MTAP: variants seen among roughly 807,000 people sequenced by gnomAD.
The protein encoded by MTAP is methylthioadenosine phosphorylase, also known as S-methyl-5'-thioadenosine phosphorylase.
Under a neutral mutation model 33.6 loss-of-function variants are expected in MTAP, and 33 were observed. That is an observed-to-expected ratio of 0.98 (90% CI 0.74 to 1.31). The LOEUF is 1.31. Ranked by LOEUF, MTAP falls within the 40% of genes most tolerant of loss-of-function variation. The pLI, the probability that MTAP is intolerant of heterozygous loss-of-function variation, is 0.00. For missense variants in MTAP, 367 were observed against 360.0 expected (o/e 1.02, Z -0.16); for synonymous variants, 148 against 125.7 (o/e 1.18, Z -1.19).
At chr9:21,885,782 G>A (rs994745909) in intron 1 of MTAP, among the ~76,000 whole-genome samples, 2 of 24,740 alleles carry the variant, frequency 8.1e-5, no homozygotes, top group East Asian at 1.7e-3. Flanking sequence ...ATTACATGGT[G>A]TGTGTGTGTG....
intron 1 of MTAP, among the ~76,000 whole-genome samples, chr9:21,905,666 G>A (rs530734296): frequency 6.6e-6 from 1 of 152,186 alleles, no homozygotes; most frequent in South Asian, 2.1e-4. Flanking sequence ...AAAACAAGAG[G>A]GAACTGAAAA....
intron 1 of MTAP, among the ~76,000 whole-genome samples, chr9:21,804,695 T>C (rs1362104795): frequency 1.3e-5 from 2 of 148,238 alleles, no homozygotes; most frequent in Admixed American, 1.3e-4. Flanking sequence ...AAAAACCACA[T>C]CCTATTCCCA....
intron 1 of MTAP, among the ~76,000 whole-genome samples, chr9:21,890,704 T>C (rs1401920826): frequency 6.6e-6 from 1 of 152,200 alleles, no homozygotes; most frequent in Non-Finnish European, 1.5e-5. Flanking sequence ...TAAATCCTTC[T>C]TCTGTGATCT....
At chr9:21,886,921 G>A (rs1225483778) in intron 1 of MTAP, among the ~76,000 whole-genome samples, 1 of 152,074 alleles carries the variant, frequency 6.6e-6, no homozygotes, top group Non-Finnish European at 1.5e-5. Context: ...GGCTATGTGG[G>A]CTATTTCATA....
At chr9:21,814,964 G>C (rs1824440578) in intron 1 of MTAP, among the ~76,000 whole-genome samples, 2 of 152,204 alleles carry the variant, frequency 1.3e-5, no homozygotes, top group Non-Finnish European at 2.9e-5. Context: ...ATAGAACAGT[G>C]AGGAGAAATC....
At chr9:21,928,741 ATC>A (rs1818907901) in intron 1 of MTAP, among the ~76,000 whole-genome samples, 1 of 151,990 alleles carries the variant, frequency 6.6e-6, no homozygotes, top group Non-Finnish European at 1.5e-5. Flanking sequence ...ATCCTCAATA[ATC>A]TCTGTCAGGA....
rs149631009 is a variant in MTAP, at chr9:21,826,609, T to TTTATTATTA, written c.347+8440_347+8448dup. Among the ~76,000 whole-genome samples the TTTATTATTA allele has an allele frequency of 7.1e-3, 1,003 of 140,872 alleles. 7 individuals are homozygous for TTTATTATTA. Among genetic ancestry groups the TTTATTATTA allele is most frequent in the East Asian group, 0.015 (73 of 4,738 alleles). The allele number at this position is 140,872 out of a possible 152,430, so 92.4% of individuals were successfully genotyped here. A position where few individuals can be genotyped will look rare whatever the true frequency, so the allele number is the denominator to read the frequency against. On this transcript the variant is annotated intron_variant, in intron 4 of 7. Coordinates refer to ENST00000644715, the MANE Select transcript of MTAP (RefSeq NM_002451.4). ...AGGTGCCAGAGGTGCTGGGGTTTTG[T>TTTATTATTA]TTATTATTATTATTATTATTATTAT...
chr9:21,901,587 CAAAG>C (rs1184178716), intron 1 of MTAP, among the ~76,000 whole-genome samples: 2 of 152,008 alleles, frequency 1.3e-5, no homozygotes, highest in African/African-American at 4.8e-5. Flanking sequence ...TATTAGGAAT[CAAAG>C]AAAGGGAATA....
At chr9:21,824,075 G>A (rs907237096) in intron 4 of MTAP, among the ~76,000 whole-genome samples, 22 of 152,298 alleles carry the variant, frequency 1.4e-4, no homozygotes, top group African/African-American at 5.3e-4. Context: ...GCTCAGAGAA[G>A]TTTGATTGTC....
At chr9:21,849,765 A>G (rs1255673234) in intron 5 of MTAP, among the ~76,000 whole-genome samples, 2 of 152,218 alleles carry the variant, frequency 1.3e-5, no homozygotes, top group African/African-American at 4.8e-5. Context: ...CAGAAGACAG[A>G]TGGGTCTTGG....
intron 1 of MTAP, among the ~76,000 whole-genome samples, chr9:21,877,029 T>G (rs1826021257): frequency 6.6e-6 from 1 of 152,190 alleles, no homozygotes; most frequent in South Asian, 2.1e-4. Context: ...TCATCTCTGA[T>G]TTCCTTGAGC....
chr9:21,939,741 G>A (rs529418587), downstream of MTAP, among the ~76,000 whole-genome samples: 49 of 151,612 alleles, frequency 3.2e-4, no homozygotes, highest in Admixed American at 9.8e-4. Context: ...AAATTAACTA[G>A]GTATGGTGGT....
chr9:21,931,826 A>G (rs1267427074), downstream of MTAP: 1 of 152,206 alleles, frequency 6.6e-6, no homozygotes, highest in Non-Finnish European at 1.5e-5. Flanking sequence ...ACTCCTGCTC[A>G]AAAACTTGCC....
In MTAP at chr9:21,924,410, A is replaced by T. The variant is rs150676301; in HGVS notation, c.148-6598A>T. Among the ~76,000 whole-genome samples, 97 of 152,350 alleles carry T rather than the reference A, an allele frequency of 6.4e-4. No individual in the cohort carries two copies. The East Asian group carries it at 0.018, about 28-fold the overall frequency. On this transcript the variant is annotated intron_variant, in intron 1 of 1. Transcript: ENST00000577563. Reference sequence around the variant, plus strand: ...TTTAATACAAGCTCCAGGAGCAGGAATCTTGACCAGAAAGTGGAAGCATAA... The same window carrying T: ...TTTAATACAAGCTCCAGGAGCAGGATTCTTGACCAGAAAGTGGAAGCATAA...
At chr9:21,827,637 A>T (rs1208808879) in intron 4 of MTAP, among the ~76,000 whole-genome samples, 1 of 152,198 alleles carries the variant, frequency 6.6e-6, no homozygotes, top group Non-Finnish European at 1.5e-5. Context: ...CCTCTAAGCC[A>T]TGTGAGATCA....
intron 4 of MTAP, among the ~76,000 whole-genome samples, chr9:21,834,882 G>A (rs939728488): frequency 3.9e-5 from 6 of 152,146 alleles, no homozygotes; most frequent in African/African-American, 9.7e-5. Flanking sequence ...TTATTGCATC[G>A]CAGTCTATTG....
At chr9:21,813,329 G>A (rs750388317) in intron 1 of MTAP, among the ~76,000 whole-genome samples, 1 of 152,220 alleles carries the variant, frequency 6.6e-6, no homozygotes, top group Non-Finnish European at 1.5e-5. Context: ...CTTGCCTGCA[G>A]ATCATTCCAG....
At chr9:21,815,936 A>T (rs1166946562) in intron 2 of MTAP, among the ~76,000 whole-genome samples, 1 of 152,194 alleles carries the variant, frequency 6.6e-6, no homozygotes, top group Non-Finnish European at 1.5e-5. Flanking sequence ...ATTTGAGTGG[A>T]AAGAATTGTT....
Position 21,865,434 on chromosome 9 carries a change from A to G in MTAP, c.*3420A>G. The G allele has an allele frequency of 1.0e-6, 1 of 985,284 alleles. No individual in the cohort carries two copies. The highest frequency in any genetic ancestry group is 1.2e-6 in the Non-Finnish European group (1 of 829,784). The allele number at this position is 985,284 out of a possible 1,614,324, so 61.0% of individuals were successfully genotyped here. On this transcript the variant is annotated 3_prime_UTR_variant, in exon 8 of 8. Coordinates refer to ENST00000644715, the MANE Select transcript of MTAP (RefSeq NM_002451.4). ...GTCCTTTACAGCAGCATGAGAATGG[A>G]CTAATACACTCCTCAAATGTTTTGA...
Sources: allele counts gnomAD v4.1 joint callset (sites outside exome capture counted in the v4.1 genomes callset), GRCh38; gene constraint gnomAD v4.1.1; transcripts MANE v1.5; gene names NCBI Gene and HGNC (gene_info 2026-07-23, HGNC 2026-07-21).